Variants in NUP93 observed in about 807,000 individuals in gnomAD.
The protein encoded by NUP93 is nucleoporin 93.
Under a neutral mutation model 107.8 loss-of-function variants are expected in NUP93, and 55 were observed. That is an observed-to-expected ratio of 0.51 (90% CI 0.41 to 0.64). NUP93 has a LOEUF of 0.64. NUP93 is among the 30% of genes least tolerant of loss of function. NUP93 has a pLI of 0.00. For missense variants in NUP93, 937 were observed against 1,044.7 expected (o/e 0.90, Z 1.42); for synonymous variants, 390 against 397.5 (o/e 0.98, Z 0.22).
At chr16:56,781,810 C>T (rs903253341) in intron 3 of NUP93, 4 of 984,440 alleles carry the variant, frequency 4.1e-6, no homozygotes, top group Admixed American at 1.2e-4. Context: ...ATAAAATACC[C>T]TTCTGTAACC....
chr16:56,796,294 C>G (rs1298958374), intron 3 of NUP93, among the ~76,000 whole-genome samples: 1 of 152,156 alleles, frequency 6.6e-6, no homozygotes, highest in Non-Finnish European at 1.5e-5. Flanking sequence ...ATTAGATACA[C>G]AGATACTTAC....
At chr16:56,778,291 G>A (rs1962452537) in intron 3 of NUP93, among the ~76,000 whole-genome samples, 1 of 152,202 alleles carries the variant, frequency 6.6e-6, no homozygotes, top group South Asian at 2.1e-4. Context: ...AAGTCAGGGA[G>A]GTAAGAAATG....
chr16:56,751,092 A>G (rs1369148576), intron 2 of NUP93, among the ~76,000 whole-genome samples: 1 of 151,946 alleles, frequency 6.6e-6, no homozygotes, highest in African/African-American at 2.4e-5. Flanking sequence ...GAGGGTGCCC[A>G]TCATCAATTG....
In NUP93 at chr16:56,849,224, C is replaced by CATTTGA. The variant is rs1964149822; in HGVS notation, c.*4615_*4616insATTTGA. 2 of 152,240 alleles carry CATTTGA rather than the reference C, an allele frequency of 1.3e-5. No homozygotes were observed. The highest frequency in any genetic ancestry group is 4.1e-4 in the South Asian group (2 of 4,830). 9.4% of individuals were successfully genotyped at this position (152,240 alleles called of 1,614,324 possible). A position where few individuals can be genotyped will look rare whatever the true frequency, so the allele number is the denominator to read the frequency against. On this transcript the variant is annotated 3_prime_UTR_variant, in exon 22 of 22. Transcript: ENST00000308159. ...TAATGTCTCCCAGGATCAAATGAGA[C>CATTTGA]TCAGGGCTGTTCCTTCAAAGACAGA...
intron 21 of NUP93, chr16:56,842,488 CA>C (rs1260737728): frequency 6.1e-4 from 236 of 388,376 alleles, no homozygotes; most frequent in Middle Eastern, 1.8e-3. Context: ...TGTCTGATTA[CA>C]AAAAAAAAGA....
At chr16:56,843,855 T>C (rs1418993346) in intron 21 of NUP93, among the ~76,000 whole-genome samples, 2 of 152,230 alleles carry the variant, frequency 1.3e-5, no homozygotes, top group African/African-American at 4.8e-5. Flanking sequence ...GTGGTAGATT[T>C]CTCCCTTTCT....
chr16:56,780,982 G>A (rs746347204), intron 3 of NUP93, among the ~76,000 whole-genome samples: 5 of 152,020 alleles, frequency 3.3e-5, no homozygotes, highest in Non-Finnish European at 5.9e-5. Context: ...GTTGTTTGCC[G>A]CACTGAATTT....
intron 5 of NUP93, among the ~76,000 whole-genome samples, chr16:56,807,392 T>C (rs1428319813): frequency 6.6e-6 from 1 of 152,266 alleles, no homozygotes. Flanking sequence ...TTTTTCTTTT[T>C]GGCACATCCT....
At chr16:56,822,564 C>CTTTTTTTTTT (rs56395453) in intron 7 of NUP93, among the ~76,000 whole-genome samples, 1 of 126,958 alleles carries the variant, frequency 7.9e-6, no homozygotes, top group Non-Finnish European at 1.6e-5. Flanking sequence ...CTTTTCTTTT[C>CTTTTTTTTTT]TTTTTTTTTT....
At chr16:56,836,051 C>T (rs1963902768) in intron 16 of NUP93, among the ~76,000 whole-genome samples, 1 of 151,080 alleles carries the variant, frequency 6.6e-6, no homozygotes, top group South Asian at 2.1e-4. Flanking sequence ...ATGGTGTGAA[C>T]CTGGGAGGCA....
chr16:56,738,421 C>G (rs922010679), intron 1 of NUP93, among the ~76,000 whole-genome samples: 5 of 152,180 alleles, frequency 3.3e-5, no homozygotes, highest in African/African-American at 9.7e-5. Flanking sequence ...CTGATACTAC[C>G]CATTCCTTAT....
intron 5 of NUP93, among the ~76,000 whole-genome samples, chr16:56,811,514 TTTG>T (rs1208893539): frequency 6.7e-6 from 1 of 149,036 alleles, no homozygotes; most frequent in African/African-American, 2.4e-5. Context: ...TCATTTTGTT[TTTG>T]TTTTTTTTTT....
At chr16:56,777,819 G>A (rs1962442737) in intron 3 of NUP93, among the ~76,000 whole-genome samples, 1 of 152,164 alleles carries the variant, frequency 6.6e-6, no homozygotes, top group African/African-American at 2.4e-5. Flanking sequence ...TACCACCTAA[G>A]GCTGGAATTA....
chr16:56,823,535 G>A (rs976012616), intron 7 of NUP93, among the ~76,000 whole-genome samples, 172 bp from the exon 8 acceptor site: 5 of 152,158 alleles, frequency 3.3e-5, no homozygotes, highest in African/African-American at 1.2e-4. Flanking sequence ...CTGAAGTCTG[G>A]CCAGCAGAGA....
At chr16:56,798,235 T>G (rs535813254) in intron 3 of NUP93, among the ~76,000 whole-genome samples, 2 of 152,336 alleles carry the variant, frequency 1.3e-5, no homozygotes, top group South Asian at 4.1e-4. Flanking sequence ...TTATGGGATA[T>G]AGAACCCCAC....
At chr16:56,801,909 T>C (rs1963028698) in intron 4 of NUP93, among the ~76,000 whole-genome samples, 1 of 152,200 alleles carries the variant, frequency 6.6e-6, no homozygotes, top group Non-Finnish European at 1.5e-5. Flanking sequence ...GTTGTCATTC[T>C]GACCCTTACC....
chr16:56,744,585 A>G (rs1265511318), intron 1 of NUP93, among the ~76,000 whole-genome samples: 3 of 152,226 alleles, frequency 2.0e-5, no homozygotes, highest in African/African-American at 4.8e-5. Context: ...TATTTCATAC[A>G]TATCTCTCTT....
chr16:56,832,172 C>A, intron 11 of NUP93, 123 bp from the exon 12 acceptor site: 1 of 1,227,696 alleles, frequency 8.1e-7, no homozygotes, highest in Non-Finnish European at 1.2e-6. Context: ...CAGCTCATAA[C>A]CATAGCCTTA....
chr16:56,777,916 A>G (rs1962444420), intron 3 of NUP93, among the ~76,000 whole-genome samples: 2 of 152,238 alleles, frequency 1.3e-5, no homozygotes, highest in Non-Finnish European at 2.9e-5. Context: ...CTACCTGGGC[A>G]GGGCCTAGTA....
Sources: gnomAD v4.1 joint callset for allele counts (sites outside exome capture counted in the v4.1 genomes callset) on GRCh38, gnomAD v4.1.1 for gene constraint, MANE v1.5 for transcripts, NCBI Gene and HGNC (gene_info 2026-07-23, HGNC 2026-07-21) for gene names.